PACRG: variants seen among roughly 807,000 people sequenced by gnomAD.
PACRG encodes parkin coregulated gene protein.
A neutral mutation model predicts 29.7 loss-of-function variants in PACRG; 29 were observed. The observed-to-expected ratio is 0.98, with a 90% confidence interval of 0.73 to 1.33. The LOEUF is 1.33. PACRG is among the 40% of genes most tolerant of loss of function. The pLI, the probability that PACRG is intolerant of heterozygous loss-of-function variation, is 0.00. For synonymous variants in PACRG, 116 were observed against 118.7 expected, an observed-to-expected ratio of 0.98 and a Z score of 0.15; for missense variants, 279 against 316.2, an observed-to-expected ratio of 0.88 and a Z score of 0.89.
At chr6:162,780,767 A>G (rs1033438866) in intron 1 of PACRG, among the ~76,000 whole-genome samples, 11 of 152,156 alleles carry the variant, frequency 7.2e-5, no homozygotes, top group African/African-American at 2.7e-4. Context: ...TGAAAAGCAC[A>G]CTGGATGGGA....
chr6:163,178,473 T>C (rs1779496264), intron 4 of PACRG, among the ~76,000 whole-genome samples: 1 of 152,110 alleles, frequency 6.6e-6, no homozygotes. Flanking sequence ...TATGGAGTAA[T>C]CTTGAGACAC....
At chr6:163,207,369 A>G (rs1780948701) in intron 4 of PACRG, among the ~76,000 whole-genome samples, 1 of 152,240 alleles carries the variant, frequency 6.6e-6, no homozygotes, top group Non-Finnish European at 1.5e-5. Flanking sequence ...GAAAATAACA[A>G]ATGATCAATG....
chr6:163,095,940 C>A (rs1375329150), intron 4 of PACRG, among the ~76,000 whole-genome samples: 2 of 152,160 alleles, frequency 1.3e-5, no homozygotes, highest in African/African-American at 4.8e-5. Flanking sequence ...AAAATCTCAT[C>A]TTTGATAAAT....
In PACRG at chr6:163,263,139, A is replaced by T. The variant is rs78888766; in HGVS notation, c.614-51688A>T. On this transcript the variant is annotated intron_variant, in intron 4 of 4. Coordinates refer to ENST00000366888, the MANE Select transcript of PACRG (RefSeq NM_001080379.2). ...ATCCAAGGCCCTGAGTTTTAACTTG[A>T]TAACTGGGGCCAGGTATCTTACAGA... 2.3e-4 allele frequency among the ~76,000 whole-genome samples: 31 copies of T among 135,548 alleles called. No homozygotes were observed. The East Asian group carries it at 6.8e-3, about 30-fold the overall frequency. The allele number at this position is 135,548 out of a possible 152,430, so 88.9% of individuals were successfully genotyped here.
In PACRG at chr6:162,838,787, C is replaced by T. The variant is rs1420129564; in HGVS notation, c.291+24506C>T. Among the ~76,000 whole-genome samples the T allele has an allele frequency of 2.7e-4, 38 of 138,588 alleles. No homozygotes were observed. The East Asian group carries it at 8.4e-3, about 31-fold the overall frequency. 90.9% of individuals were successfully genotyped at this position (138,588 alleles called of 152,430 possible). A position where few individuals can be genotyped will look rare whatever the true frequency, so the allele number is the denominator to read the frequency against. ...TCCCCAGAGTGTGATATTCCCCTTC[C>T]TGTGTCCATGTGATCTCATTGTTCA... On this transcript the variant is annotated intron_variant, in intron 2 of 4. Transcript: ENST00000366888.
chr6:163,197,434 CTTTTTTTTTT>C (rs57942658), intron 4 of PACRG, among the ~76,000 whole-genome samples: 1,623 of 106,250 alleles, frequency 0.015, 21 homozygotes, highest in African/African-American at 0.052. Flanking sequence ...CTTTTCTTTT[CTTTTTTTTTT>C]TTTTTTTTTT....
chr6:163,195,680 C>T (rs897452127), intron 4 of PACRG, among the ~76,000 whole-genome samples: 1 of 152,210 alleles, frequency 6.6e-6, no homozygotes, highest in African/African-American at 2.4e-5. Flanking sequence ...TGGAGGCCGC[C>T]CGACCCCCCT....
Position 163,315,391 on chromosome 6 carries a change from T to C in PACRG, c.*404T>C, listed in dbSNP as rs1482908841. 1 of 157,382 alleles carries C rather than the reference T, an allele frequency of 6.4e-6. No individual in the cohort carries two copies. The highest frequency in any genetic ancestry group is 1.4e-5 in the Non-Finnish European group (1 of 71,334). 9.7% of individuals were successfully genotyped at this position (157,382 alleles called of 1,614,324 possible). A position where few individuals can be genotyped will look rare whatever the true frequency, so the allele number is the denominator to read the frequency against. On this transcript the variant is annotated 3_prime_UTR_variant, in exon 5 of 5. Transcript: ENST00000366888. ...AAGGGAAGAGTTTATGCTGACTGCT[T>C]ACTAGGTGTTTGTCATGGAAGAGAA... is the stretch of plus-strand genomic sequence containing the variant.
intron 4 of PACRG, among the ~76,000 whole-genome samples, chr6:163,216,725 T>C (rs561140318): frequency 6.6e-6 from 1 of 152,284 alleles, no homozygotes; most frequent in African/African-American, 2.4e-5. Flanking sequence ...TTTATCATAG[T>C]GTGAGATGCT....
intron 2 of PACRG, among the ~76,000 whole-genome samples, chr6:162,891,573 A>T (rs4709656): frequency 0.22 from 33,361 of 152,062 alleles, 3,908 homozygotes; most frequent in Non-Finnish European, 0.25. Flanking sequence ...AGTGGGCAGA[A>T]CTCAAGGCCA....
chr6:163,270,142 T>C (rs1475355221), intron 4 of PACRG, among the ~76,000 whole-genome samples: 2 of 152,012 alleles, frequency 1.3e-5, no homozygotes, highest in Non-Finnish European at 2.9e-5. Flanking sequence ...GACAGATCAG[T>C]ATAACAGAAA....
At chr6:163,281,501 G>A (rs1043236664) in intron 4 of PACRG, among the ~76,000 whole-genome samples, 11 of 151,890 alleles carry the variant, frequency 7.2e-5, no homozygotes, top group Admixed American at 1.3e-4. Flanking sequence ...AAACATTGGC[G>A]TACAACTGCT....
At chr6:162,951,624 T>G (rs1799658007) in intron 2 of PACRG, among the ~76,000 whole-genome samples, 1 of 152,212 alleles carries the variant, frequency 6.6e-6, no homozygotes, top group South Asian at 2.1e-4. Context: ...GCTGCCTGTT[T>G]CTGTATTTAC....
chr6:163,283,834 C>G (rs1295805201), intron 4 of PACRG, among the ~76,000 whole-genome samples: 1 of 151,540 alleles, frequency 6.6e-6, no homozygotes, highest in African/African-American at 2.4e-5. Flanking sequence ...AAAATTTAGG[C>G]CAGATGCGGT....
intron 2 of PACRG, among the ~76,000 whole-genome samples, chr6:162,972,482 A>G (rs771221499): frequency 1.1e-4 from 17 of 152,182 alleles, no homozygotes; most frequent in Non-Finnish European, 2.1e-4. Context: ...TGCCCTCTCT[A>G]TTAAGAACAG....
At chr6:163,073,641 A>G (rs983566967) in intron 3 of PACRG, among the ~76,000 whole-genome samples, 1 of 152,256 alleles carries the variant, frequency 6.6e-6, no homozygotes, top group African/African-American at 2.4e-5. Context: ...CAAAGTGAAG[A>G]GACATCTCAC....
intron 2 of PACRG, among the ~76,000 whole-genome samples, chr6:162,834,819 A>G (rs1414827210): frequency 6.6e-6 from 1 of 152,074 alleles, no homozygotes; most frequent in Non-Finnish European, 1.5e-5. Flanking sequence ...AAAGAGCATA[A>G]TCAGGGCTTA....
At chr6:163,274,208 G>A (rs928826768) in intron 4 of PACRG, among the ~76,000 whole-genome samples, 2 of 152,126 alleles carry the variant, frequency 1.3e-5, no homozygotes, top group African/African-American at 4.8e-5. Context: ...AGGCCCTGGT[G>A]TGTGATGTTC....
At chr6:163,034,544 G>A (rs954269611) in intron 2 of PACRG, among the ~76,000 whole-genome samples, 1 of 152,098 alleles carries the variant, frequency 6.6e-6, no homozygotes, top group Middle Eastern at 3.2e-3. Flanking sequence ...ATTCTTAAGA[G>A]AGACTCTAAC....
Sources: allele counts gnomAD v4.1 joint callset (sites outside exome capture counted in the v4.1 genomes callset), GRCh38; gene constraint gnomAD v4.1.1; transcripts MANE v1.5; gene names NCBI Gene and HGNC (gene_info 2026-07-23, HGNC 2026-07-21).